WDR7: variants seen among roughly 807,000 people sequenced by gnomAD.
The protein encoded by WDR7 is WD repeat-containing protein 7.
A neutral mutation model predicts 169.4 loss-of-function variants in WDR7; 46 were observed. That is an observed-to-expected ratio of 0.27 (90% CI 0.21 to 0.35). WDR7 has a LOEUF of 0.35. Ranked by LOEUF, WDR7 falls within the 10% of genes least tolerant of loss-of-function variation. The probability of loss-of-function intolerance (pLI) is 1.00; values close to 1 mark genes in which losing one functional copy is unlikely to be tolerated. For synonymous variants in WDR7, 612 were observed against 666.8 expected (o/e 0.92, Z 1.27); for missense variants, 1,534 against 1,859.3 (o/e 0.83, Z 3.22).
intron 22 of WDR7, among the ~76,000 whole-genome samples, chr18:56,925,396 G>A (rs1484251798): frequency 2.0e-5 from 3 of 152,012 alleles, no homozygotes; most frequent in Admixed American, 1.3e-4. Context: ...CTACAGCCTC[G>A]CCAACACTTG....
At chr18:56,816,241 A>C (rs1034364286) in intron 20 of WDR7, 97 bp downstream of exon 20, 3 of 1,052,862 alleles carry the variant, frequency 2.8e-6, no homozygotes, top group Admixed American at 5.7e-5. Flanking sequence ...TTTCGACGGA[A>C]AGGATGGAAA....
intron 20 of WDR7, among the ~76,000 whole-genome samples, chr18:56,849,268 A>G (rs1331878661): frequency 6.6e-6 from 1 of 152,174 alleles, no homozygotes; most frequent in Non-Finnish European, 1.5e-5. Flanking sequence ...TTTTGTGACT[A>G]AATTAGGACT....
intron 21 of WDR7, among the ~76,000 whole-genome samples, chr18:56,914,869 G>T (rs1290025333): frequency 2.0e-5 from 3 of 152,020 alleles, no homozygotes; most frequent in Non-Finnish European, 4.4e-5. Context: ...AGCAAAATGA[G>T]ATTAAATTTC....
chr18:56,664,020 A>C (rs918836040), intron 1 of WDR7, among the ~76,000 whole-genome samples: 18 of 152,172 alleles, frequency 1.2e-4, no homozygotes, highest in African/African-American at 3.9e-4. Context: ...AAGAGAGTGC[A>C]TTGCAAAAAA....
downstream of WDR7, chr18:57,032,620 G>A (rs192588431): frequency 4.6e-5 from 7 of 152,006 alleles, no homozygotes; most frequent in East Asian, 1.9e-4. Flanking sequence ...ATTCTCATAA[G>A]AGCGTGAATC....
At chr18:56,788,196 G>A (rs1266777157) in intron 19 of WDR7, among the ~76,000 whole-genome samples, 19 of 151,988 alleles carry the variant, frequency 1.3e-4, no homozygotes, top group Admixed American at 1.2e-3. Context: ...CTATTCACTA[G>A]CCAGAGTTAT....
intron 20 of WDR7, among the ~76,000 whole-genome samples, chr18:56,827,633 T>C (rs1250863471): frequency 6.6e-6 from 1 of 152,102 alleles, no homozygotes; most frequent in African/African-American, 2.4e-5. Flanking sequence ...TAAGACCTAT[T>C]ATTTGGTAGA....
intron 25 of WDR7, among the ~76,000 whole-genome samples, chr18:56,950,391 T>TG (rs1364616867): frequency 2.0e-5 from 3 of 152,162 alleles, no homozygotes; most frequent in Non-Finnish European, 4.4e-5. Context: ...GTGCCAGCAG[T>TG]TTTACCCACC....
At chr18:56,820,596 T>A (rs908261728) in intron 20 of WDR7, among the ~76,000 whole-genome samples, 1 of 152,112 alleles carries the variant, frequency 6.6e-6, no homozygotes, top group Non-Finnish European at 1.5e-5. Flanking sequence ...GTGTATTTAG[T>A]GCTGACAGAA....
intron 20 of WDR7, among the ~76,000 whole-genome samples, chr18:56,855,539 G>T (rs1276051397): frequency 6.6e-6 from 1 of 152,006 alleles, no homozygotes; most frequent in African/African-American, 2.4e-5. Flanking sequence ...ATCCACTTGA[G>T]GTTGATTTTT....
At chr18:57,003,320 A>G (rs2048009123) in intron 26 of WDR7, among the ~76,000 whole-genome samples, 1 of 152,142 alleles carries the variant, frequency 6.6e-6, no homozygotes. Flanking sequence ...TGAAATAGAA[A>G]TTATACTAAA....
intron 21 of WDR7, among the ~76,000 whole-genome samples, chr18:56,894,384 T>G (rs1037618637): frequency 6.6e-5 from 10 of 152,042 alleles, no homozygotes; most frequent in African/African-American, 1.9e-4. Flanking sequence ...CCTTGCTTAC[T>G]CCAGTGCCCT....
intron 16 of WDR7, among the ~76,000 whole-genome samples, chr18:56,768,674 T>C (rs1216363891): frequency 6.6e-6 from 1 of 152,206 alleles, no homozygotes; most frequent in Non-Finnish European, 1.5e-5. Flanking sequence ...TTGGCTTTTC[T>C]TAGCTTGGTT....
chr18:56,920,012 C>T (rs2046690060), intron 21 of WDR7, among the ~76,000 whole-genome samples: 1 of 152,100 alleles, frequency 6.6e-6, no homozygotes, highest in Non-Finnish European at 1.5e-5. Flanking sequence ...AATAACCTGT[C>T]TTGCCTTTTG....
At chr18:56,748,487 A>G (rs1287366157) in intron 14 of WDR7, among the ~76,000 whole-genome samples, 1 of 152,174 alleles carries the variant, frequency 6.6e-6, no homozygotes, top group Non-Finnish European at 1.5e-5. Flanking sequence ...TCTTTGAAAG[A>G]TATTTTCTTT....
intron 26 of WDR7, among the ~76,000 whole-genome samples, chr18:57,003,423 T>C (rs1049939366): frequency 5.9e-5 from 9 of 152,082 alleles, no homozygotes; most frequent in Non-Finnish European, 1.0e-4. Context: ...GCACTCTTTT[T>C]AAAGTCCTTT....
chr18:56,857,594 T>C (rs2045741556), intron 20 of WDR7, among the ~76,000 whole-genome samples: 2 of 152,220 alleles, frequency 1.3e-5, no homozygotes, highest in South Asian at 4.1e-4. Flanking sequence ...TATGCATACA[T>C]ATATACACAT....
chr18:57,013,708 G>A (rs933364341), intron 26 of WDR7, among the ~76,000 whole-genome samples: 2 of 152,206 alleles, frequency 1.3e-5, no homozygotes, highest in African/African-American at 4.8e-5. Flanking sequence ...AGAGGCTTTA[G>A]AGCAGGGGTT....
chr18:56,833,404 G>A (rs1187395661), intron 20 of WDR7, among the ~76,000 whole-genome samples: 1 of 151,914 alleles, frequency 6.6e-6, no homozygotes, highest in Non-Finnish European at 1.5e-5. Context: ...TGTAGATGAG[G>A]GGTTGATGTA....
Sources: gnomAD v4.1 joint callset for allele counts (sites outside exome capture counted in the v4.1 genomes callset) on GRCh38, gnomAD v4.1.1 for gene constraint, MANE v1.5 for transcripts, NCBI Gene and HGNC (gene_info 2026-07-23, HGNC 2026-07-21) for gene names.